Variants in DPP10 observed in about 807,000 individuals in gnomAD.
The protein encoded by DPP10 is inactive dipeptidyl peptidase 10.
In DPP10, 33 loss-of-function variants were observed where a neutral mutation model predicts 120.9. The observed-to-expected ratio is 0.27, with a 90% CI of 0.21 to 0.37. DPP10 has a LOEUF of 0.37. Among genes scored for constraint, DPP10 ranks in the 10% least tolerant of loss-of-function variants. The pLI, the probability that DPP10 is intolerant of heterozygous loss-of-function variation, is 1.00. For missense variants in DPP10, 816 were observed against 942.8 expected (o/e 0.87, Z 1.76); for synonymous variants, 337 against 326.1 (o/e 1.03, Z -0.36).
intron 1 of DPP10, among the ~76,000 whole-genome samples, chr2:114,993,325 T>A (rs1162805263): frequency 6.6e-6 from 1 of 151,074 alleles, no homozygotes; most frequent in Non-Finnish European, 1.5e-5. Context: ...TCATTGCATA[T>A]CTGGGAGGTA....
intron 1 of DPP10, among the ~76,000 whole-genome samples, chr2:114,829,424 C>A (rs1157345606): frequency 6.7e-6 from 1 of 148,448 alleles, no homozygotes; most frequent in Non-Finnish European, 1.5e-5. Context: ...GCTCTTGTCA[C>A]CCAGGCTGGA....
chr2:115,012,796 C>T (rs887977892), intron 1 of DPP10, among the ~76,000 whole-genome samples: 8 of 152,076 alleles, frequency 5.3e-5, no homozygotes, highest in Non-Finnish European at 1.2e-4. Context: ...TGCCAGCTCA[C>T]CAGCAATAGA....
chr2:115,162,154 C>T (rs2104972358), intron 1 of DPP10: 1 of 1,538,018 alleles, frequency 6.5e-7, no homozygotes, highest in Non-Finnish European at 8.8e-7. Context: ...CGCCCCGCCC[C>T]AGTTCCAGGC....
intron 1 of DPP10, among the ~76,000 whole-genome samples, chr2:114,914,612 G>A (rs1246520351): frequency 1.3e-5 from 2 of 152,042 alleles, no homozygotes; most frequent in East Asian, 3.9e-4. Context: ...GAAGTATACA[G>A]CCCACTAGAC....
chr2:115,228,112 T>C (rs184387354), intron 1 of DPP10, among the ~76,000 whole-genome samples: 2 of 152,052 alleles, frequency 1.3e-5, no homozygotes, highest in East Asian at 3.9e-4. Context: ...TTTATACATA[T>C]ATTTTTTGTT....
chr2:115,518,028 G>A (rs1442942084), intron 4 of DPP10, among the ~76,000 whole-genome samples: 1 of 152,180 alleles, frequency 6.6e-6, no homozygotes. Flanking sequence ...AACATGGTGA[G>A]AAAGGAAGCA....
chr2:115,549,068 T>G (rs2148995540), intron 5 of DPP10, among the ~76,000 whole-genome samples: 1 of 152,296 alleles, frequency 6.6e-6, no homozygotes, highest in African/African-American at 2.4e-5. Context: ...ATCAGGCCTC[T>G]TAGTTCCCTC....
At chr2:114,903,741 A>G (rs1432491757) in intron 1 of DPP10, among the ~76,000 whole-genome samples, 1 of 152,188 alleles carries the variant, frequency 6.6e-6, no homozygotes, top group African/African-American at 2.4e-5. Flanking sequence ...ACAAACTGTG[A>G]TCATAAAGGT....
At chr2:115,331,665 C>T (rs1001380753) in intron 2 of DPP10, among the ~76,000 whole-genome samples, 2 of 152,146 alleles carry the variant, frequency 1.3e-5, no homozygotes, top group Non-Finnish European at 2.9e-5. Context: ...GCCTTTTCTG[C>T]ATCTATTGAG....
chr2:115,617,942 C>T (rs1012966607), intron 5 of DPP10, among the ~76,000 whole-genome samples: 22 of 152,164 alleles, frequency 1.4e-4, no homozygotes, highest in Non-Finnish European at 2.4e-4. Flanking sequence ...TGTGGTCTCT[C>T]TCTCTAATTT....
intron 1 of DPP10, among the ~76,000 whole-genome samples, chr2:114,697,392 T>C (rs1700128510): frequency 6.6e-6 from 1 of 151,948 alleles, no homozygotes; most frequent in African/African-American, 2.4e-5. Flanking sequence ...AGTTAGTAAA[T>C]TCATGGTAAG....
At chr2:114,986,810 G>A (rs546346790) in intron 1 of DPP10, among the ~76,000 whole-genome samples, 9 of 152,138 alleles carry the variant, frequency 5.9e-5, no homozygotes, top group Middle Eastern at 6.8e-3. Flanking sequence ...TCACTCTGTC[G>A]CCTAGGCTGG....
At chr2:115,330,270 C>T (rs1267028572) in intron 2 of DPP10, among the ~76,000 whole-genome samples, 1 of 152,112 alleles carries the variant, frequency 6.6e-6, no homozygotes, top group South Asian at 2.1e-4. Context: ...CTTTTGCCCA[C>T]TTTTTGTTGG....
At chr2:115,576,517 T>C (rs2081666183) in intron 5 of DPP10, among the ~76,000 whole-genome samples, 2 of 152,308 alleles carry the variant, frequency 1.3e-5, no homozygotes, top group South Asian at 4.1e-4. Context: ...ATCATTAAGT[T>C]GAATATTTCA....
Position 114,646,717 on chromosome 2 carries a change from T to C in DPP10, c.60+203879T>C, listed in dbSNP as rs17043316. On this transcript the variant is annotated intron_variant, in intron 1 of 25. Coordinates refer to ENST00000410059, the MANE Select transcript of DPP10 (RefSeq NM_020868.6). ...GGGGGCAGGCTGGGCACCCTTTCAGTATTTTATGTCTGCATCTTTGAATGA... is the reference window on the plus strand; with the variant it reads ...GGGGGCAGGCTGGGCACCCTTTCAGCATTTTATGTCTGCATCTTTGAATGA... Among the ~76,000 whole-genome samples the C allele has an allele frequency of 4.6e-3, 702 of 152,274 alleles. 5 individuals are homozygous for C. The highest frequency in any genetic ancestry group is 0.015 in the African/African-American group (636 of 41,554).
intron 5 of DPP10, among the ~76,000 whole-genome samples, chr2:115,662,497 A>G (rs535131406): frequency 2.4e-4 from 36 of 151,970 alleles, no homozygotes; most frequent in Non-Finnish European, 4.7e-4. Flanking sequence ...CACATTTCTC[A>G]AAAGAAACAT....
intron 1 of DPP10, among the ~76,000 whole-genome samples, chr2:115,098,665 G>A (rs926724782): frequency 2.6e-5 from 4 of 151,846 alleles, no homozygotes; most frequent in East Asian, 1.9e-4. Flanking sequence ...GTCATTATGC[G>A]GTGCATGAGT....
chr2:114,842,616 T>C (rs899777125), intron 1 of DPP10, among the ~76,000 whole-genome samples: 2 of 152,086 alleles, frequency 1.3e-5, no homozygotes, highest in Non-Finnish European at 2.9e-5. Context: ...CTTAAGAATA[T>C]ATATTTAGGG....
chr2:114,629,713 G>A (rs984516923), intron 1 of DPP10, among the ~76,000 whole-genome samples: 2 of 152,140 alleles, frequency 1.3e-5, no homozygotes, highest in Non-Finnish European at 2.9e-5. Flanking sequence ...AAGATTAGAC[G>A]ATATGGACCT....
Sources: allele counts gnomAD v4.1 joint callset (sites outside exome capture counted in the v4.1 genomes callset), GRCh38; gene constraint gnomAD v4.1.1; transcripts MANE v1.5; gene names NCBI Gene and HGNC (gene_info 2026-07-23, HGNC 2026-07-21).